The following ACOXL variants were observed in gnomAD, a reference collection of about 807,000 sequenced individuals.
ACOXL encodes the protein acyl-coenzyme A oxidase-like protein.
In ACOXL, 70 loss-of-function variants were observed where a neutral mutation model predicts 71.9. The observed-to-expected ratio is 0.97, with a 90% confidence interval of 0.80 to 1.19. ACOXL has a LOEUF of 1.19. ACOXL is among the 50% of genes most tolerant of loss of function. The probability of loss-of-function intolerance (pLI) is 0.00; values close to 1 mark genes in which losing one functional copy is unlikely to be tolerated. For missense variants in ACOXL, 703 were observed against 736.3 expected (o/e 0.95, Z 0.52); for synonymous variants, 253 against 281.6 (o/e 0.90, Z 1.02).
rs548689448 is a variant in ACOXL, at chr2:110,870,687, C to T, written c.788+29282C>T. 8.5e-5 allele frequency among the ~76,000 whole-genome samples: 13 copies of T among 152,320 alleles called. No individual in the cohort carries two copies. The South Asian group carries it at 1.5e-3, about 17-fold the overall frequency. On this transcript the variant is annotated intron_variant, in intron 10 of 17. Transcript: ENST00000439055. Reference sequence around the variant, plus strand: ...CGTGTACACCTGGTCACCACCCACCCCACACCTGGACTCTCACCTGCCACC... The same window carrying T: ...CGTGTACACCTGGTCACCACCCACCTCACACCTGGACTCTCACCTGCCACC...
chr2:110,785,775 G>A (rs892356308), intron 3 of ACOXL, among the ~76,000 whole-genome samples: 4 of 151,976 alleles, frequency 2.6e-5, no homozygotes, highest in Admixed American at 6.6e-5. Flanking sequence ...CTTCCCTTAG[G>A]TATTCAACTA....
intron 17 of ACOXL, among the ~76,000 whole-genome samples, chr2:111,097,638 A>G (rs1458561501): frequency 6.6e-6 from 1 of 152,202 alleles, no homozygotes; most frequent in Non-Finnish European, 1.5e-5. Context: ...CAAACAAACA[A>G]AAGCTTGTGA....
intron 16 of ACOXL, among the ~76,000 whole-genome samples, chr2:111,088,470 T>C (rs561600495): frequency 6.6e-6 from 1 of 152,260 alleles, no homozygotes; most frequent in Admixed American, 6.5e-5. Context: ...AATGAGATAA[T>C]GTCGTTTGCA....
intron 2 of ACOXL, among the ~76,000 whole-genome samples, chr2:110,778,838 A>G (rs1181489400): frequency 2.6e-5 from 4 of 152,216 alleles, no homozygotes; most frequent in Non-Finnish European, 5.9e-5. Flanking sequence ...ATATTTGCTC[A>G]TGGGCCAAAA....
chr2:111,047,399 T>C (rs2066069342), intron 15 of ACOXL, among the ~76,000 whole-genome samples: 1 of 152,178 alleles, frequency 6.6e-6, no homozygotes, highest in African/African-American at 2.4e-5. Context: ...GATTCTAAGT[T>C]ACAGCATAAA....
chr2:110,745,964 G>A (rs1678147554), intron 1 of ACOXL, among the ~76,000 whole-genome samples: 1 of 152,154 alleles, frequency 6.6e-6, no homozygotes, highest in Non-Finnish European at 1.5e-5. Flanking sequence ...CCTCCTGTTA[G>A]TGTGTATCAT....
intron 1 of ACOXL, among the ~76,000 whole-genome samples, chr2:110,745,654 G>T (rs898328151): frequency 1.3e-5 from 2 of 152,234 alleles, no homozygotes; most frequent in African/African-American, 4.8e-5. Flanking sequence ...CTGTGACTTT[G>T]ATCTGAAGAT....
intron 9 of ACOXL, among the ~76,000 whole-genome samples, chr2:110,828,900 T>G (rs1324634365): frequency 6.6e-6 from 1 of 152,076 alleles, no homozygotes; most frequent in Non-Finnish European, 1.5e-5. Flanking sequence ...CAACCTCTGC[T>G]TTCCAGGTTC....
At position 110,901,907 on chromosome 2, in the gene ACOXL, A is replaced by G. The variant is rs907602865; in HGVS notation, c.789-6882A>G. Among the ~76,000 whole-genome samples the G allele has an allele frequency of 4.6e-5, 7 of 152,132 alleles. No individual in the cohort carries two copies. In the East Asian group the frequency reaches 1.4e-3, roughly 29 times the overall value. ...GCAGGTGTGGTGGCATGCACCTGTA[A>G]TCCCAGTTACTCAAGAGGCTGAGGG... On this transcript the variant is annotated intron_variant, in intron 10 of 17. Coordinates refer to ENST00000439055, the MANE Select transcript of ACOXL (RefSeq NM_001142807.4).
chr2:110,821,688 G>A lies in ACOXL; in HGVS notation c.753+16293G>A, dbSNP rs572680963. On this transcript the variant is annotated intron_variant, in intron 9 of 17. Coordinates refer to ENST00000439055, the MANE Select transcript of ACOXL (RefSeq NM_001142807.4). ...CCACACTGAAGATGTGAGGAGTTATGTTCCACCTCCTCAAGGGTGGAGTAT... is the reference window on the plus strand; with the variant it reads ...CCACACTGAAGATGTGAGGAGTTATATTCCACCTCCTCAAGGGTGGAGTAT... Among the ~76,000 whole-genome samples the A allele has an allele frequency of 2.9e-3, 436 of 152,258 alleles. 1 individual carries two copies. Among genetic ancestry groups the A allele is most frequent in the Non-Finnish European group, 5.3e-3 (362 of 68,012 alleles).
chr2:111,093,503 C>T (rs373927371), intron 17 of ACOXL: 6 of 1,613,928 alleles, frequency 3.7e-6, no homozygotes, highest in Non-Finnish European at 5.1e-6. Context: ...TGCTGAAACA[C>T]AAACAGGTAT....
intron 10 of ACOXL, among the ~76,000 whole-genome samples, chr2:110,900,080 CACACAT>C (rs1230168281): frequency 1.5e-3 from 157 of 102,508 alleles, no homozygotes; most frequent in South Asian, 6.7e-3. Context: ...TCAACACACA[CACACAT>C]ACACACACAC....
At chr2:110,767,924 ACACACACAC>A (rs1312515729) in intron 1 of ACOXL, among the ~76,000 whole-genome samples, 2 of 816 alleles carry the variant, frequency 2.5e-3, no homozygotes, top group Non-Finnish European at 5.3e-3. Context: ...TCTCTACTAA[ACACACACAC>A]ACACACACAC....
intron 10 of ACOXL, among the ~76,000 whole-genome samples, chr2:110,857,882 C>T (rs989550988): frequency 9.9e-5 from 15 of 152,116 alleles, no homozygotes; most frequent in East Asian, 3.9e-4. Context: ...TGTACCACCA[C>T]GCCCAGCTCA....
At chr2:110,899,736 T>TA (rs1401236240) in intron 10 of ACOXL, among the ~76,000 whole-genome samples, 2 of 152,086 alleles carry the variant, frequency 1.3e-5, no homozygotes, top group Non-Finnish European at 2.9e-5. Context: ...GTATACAATT[T>TA]TAAAAAAAAT....
chr2:110,850,392 ACT>A (rs1444972194), intron 10 of ACOXL, among the ~76,000 whole-genome samples: 1 of 152,202 alleles, frequency 6.6e-6, no homozygotes, highest in Non-Finnish European at 1.5e-5. Context: ...AGTATGTAGA[ACT>A]CTTACAGCCC....
chr2:110,956,582 C>T (rs1289069932), intron 12 of ACOXL, among the ~76,000 whole-genome samples: 1 of 152,160 alleles, frequency 6.6e-6, no homozygotes, highest in Non-Finnish European at 1.5e-5. Context: ...GTTTCTGCAC[C>T]ACTGGGCACG....
At chr2:110,947,672 T>C (rs1038401365) in intron 12 of ACOXL, among the ~76,000 whole-genome samples, 8 of 152,236 alleles carry the variant, frequency 5.3e-5, no homozygotes, top group Non-Finnish European at 1.0e-4. Context: ...TTGGGGTTCC[T>C]TGGGTGTGGC....
Position 111,117,656 on chromosome 2 carries a change from G to C in ACOXL, c.1583G>C (p.Arg528Thr), listed in dbSNP as rs766958877. ...LCDSVKDDARRVISTFNIPHT... is the reference protein window; with the variant it reads ...LCDSVKDDARTVISTFNIPHT... ...GACTCGGTGAAGGATGATGCCCGGAGGGTGATCTCGACCTTTAACATTCCA... is the reference window on the plus strand; with the variant it reads ...GACTCGGTGAAGGATGATGCCCGGACGGTGATCTCGACCTTTAACATTCCA... The change falls in exon 18 of 18, where the codon AGG (arginine) becomes ACG (threonine). Residue 528 changes from arginine to threonine, a missense_variant. Physicochemically the swap from Arg to Thr is moderately conservative, Grantham distance 71. Coordinates refer to ENST00000439055, the MANE Select transcript of ACOXL (RefSeq NM_001142807.4). The C allele has an allele frequency of 6.4e-6, 10 of 1,551,788 alleles. No individual in the cohort carries two copies. The South Asian group carries it at 1.2e-4, about 18-fold the overall frequency.
Sources: allele counts gnomAD v4.1 joint callset (sites outside exome capture counted in the v4.1 genomes callset), GRCh38; gene constraint gnomAD v4.1.1; transcripts MANE v1.5; gene names NCBI Gene and HGNC (gene_info 2026-07-23, HGNC 2026-07-21).